The following PDZRN3 variants were observed in gnomAD, a reference collection of about 807,000 sequenced individuals.
The protein encoded by PDZRN3 is PDZ domain containing ring finger 3.
PDZRN3 carries 38 observed loss-of-function variants against 85.7 expected under a neutral mutation model. That is an observed-to-expected ratio of 0.44 (90% CI 0.34 to 0.58). PDZRN3 has a LOEUF of 0.58. Ranked by LOEUF, PDZRN3 falls within the 20% of genes least tolerant of loss-of-function variation. PDZRN3 has a pLI of 0.01. For missense variants in PDZRN3, 1,629 were observed against 1,506.4 expected, an observed-to-expected ratio of 1.08 and a Z score of -1.35; for synonymous variants, 759 against 638.0, an observed-to-expected ratio of 1.19 and a Z score of -2.86.
intron 8 of PDZRN3, among the ~76,000 whole-genome samples, chr3:73,386,753 A>C (rs1197559693): frequency 6.6e-6 from 1 of 152,214 alleles, no homozygotes; most frequent in East Asian, 1.9e-4. Flanking sequence ...TGGCCCTTTA[A>C]GAAAAAGTCT....
intron 3 of PDZRN3, among the ~76,000 whole-genome samples, chr3:73,438,841 A>T: frequency 6.6e-6 from 1 of 152,148 alleles, no homozygotes; most frequent in Non-Finnish European, 1.5e-5. Context: ...CATGGACCCA[A>T]CTTCTCTTAG....
rs1290335742 is a variant in PDZRN3, at chr3:73,499,353, A to G, written c.919-94958T>C. Among the ~76,000 whole-genome samples the G allele has an allele frequency of 2.0e-5, 3 of 152,140 alleles. No individual in the cohort carries two copies. The East Asian group carries it at 5.8e-4, about 29-fold the overall frequency. On this transcript the variant is annotated intron_variant, in intron 3 of 9. Coordinates refer to ENST00000263666, the MANE Select transcript of PDZRN3 (RefSeq NM_015009.3). The stretch of plus-strand genomic sequence containing the variant: ...ACGAGGCCCAGGCTGGCCCCAGGTG[A>G]CGCTGGTAACTCACATGGCCACACG...
chr3:73,541,044 C>A (rs1355351914), intron 3 of PDZRN3, among the ~76,000 whole-genome samples: 1 of 152,110 alleles, frequency 6.6e-6, no homozygotes, highest in Non-Finnish European at 1.5e-5. Context: ...GCAAAGGGGT[C>A]CTGGGAACTT....
At chr3:73,623,784 G>A (rs1473861881) in intron 1 of PDZRN3, 1 of 255,326 alleles carries the variant, frequency 3.9e-6, no homozygotes, top group East Asian at 7.0e-5. Context: ...GCCTTTGAAC[G>A]CAGTTTTGAC....
intron 3 of PDZRN3, among the ~76,000 whole-genome samples, chr3:73,501,503 C>T (rs1446139171): frequency 1.3e-5 from 2 of 152,198 alleles, no homozygotes; most frequent in African/African-American, 2.4e-5. Flanking sequence ...CCTAACGATT[C>T]GACTGTCAGT....
At chr3:73,587,704 G>T (rs1702297411) in intron 3 of PDZRN3, among the ~76,000 whole-genome samples, 1 of 152,142 alleles carries the variant, frequency 6.6e-6, no homozygotes, top group Non-Finnish European at 1.5e-5. Flanking sequence ...GCAGGCACAT[G>T]AAAAGTTTAG....
intron 3 of PDZRN3, among the ~76,000 whole-genome samples, chr3:73,501,299 T>C (rs1274600022): frequency 2.0e-5 from 3 of 152,204 alleles, no homozygotes; most frequent in African/African-American, 7.2e-5. Context: ...TCCTTTCCAC[T>C]GTCAACTGGG....
intron 3 of PDZRN3, among the ~76,000 whole-genome samples, chr3:73,527,893 G>A (rs992930863): frequency 5.3e-5 from 8 of 152,014 alleles, no homozygotes; most frequent in Non-Finnish European, 1.0e-4. Flanking sequence ...CTATTTACTC[G>A]CATGAGGCAA....
chr3:73,597,561 C>T (rs1288538132), intron 3 of PDZRN3, among the ~76,000 whole-genome samples: 2 of 152,114 alleles, frequency 1.3e-5, no homozygotes, highest in Non-Finnish European at 2.9e-5. Flanking sequence ...GCAATCACTA[C>T]ACAGACTCAT....
chr3:73,460,463 C>A (rs1703080333), intron 3 of PDZRN3, among the ~76,000 whole-genome samples: 1 of 152,196 alleles, frequency 6.6e-6, no homozygotes. Flanking sequence ...GTAAACACTA[C>A]CAACAATCTT....
intron 3 of PDZRN3, among the ~76,000 whole-genome samples, chr3:73,528,238 T>C (rs1704570665): frequency 6.6e-6 from 1 of 152,180 alleles, no homozygotes; most frequent in Non-Finnish European, 1.5e-5. Context: ...CAACGCCCAG[T>C]CCTGCTTTAA....
intron 3 of PDZRN3, among the ~76,000 whole-genome samples, chr3:73,563,457 C>T (rs910820649): frequency 1.6e-4 from 24 of 152,086 alleles, no homozygotes. Context: ...TTTACACAGA[C>T]TAAAACCTTA....
In PDZRN3 at chr3:73,435,192, T is replaced by C. The variant is rs76595490; in HGVS notation, c.919-30797A>G. On this transcript the variant is annotated intron_variant, in intron 3 of 9. Transcript: ENST00000263666. ...CCCAATAAAATCCCACTTGGGCTGA[T>C]GGCCAGCAGATGCCTCTGGACCCAT... is the stretch of plus-strand genomic sequence containing the variant. 4.4e-4 allele frequency among the ~76,000 whole-genome samples: 67 copies of C among 152,290 alleles called. No homozygotes were observed. The East Asian group carries it at 0.011, about 26-fold the overall frequency.
intron 3 of PDZRN3, among the ~76,000 whole-genome samples, chr3:73,443,440 C>A (rs545512163): frequency 6.6e-6 from 1 of 151,426 alleles, no homozygotes; most frequent in African/African-American, 2.4e-5. Flanking sequence ...TTTTGACTTA[C>A]AGCCTCTACT....
intron 3 of PDZRN3, among the ~76,000 whole-genome samples, chr3:73,540,111 A>AC (rs1704882580): frequency 8.0e-6 from 1 of 125,128 alleles, no homozygotes; most frequent in African/African-American, 3.1e-5. Flanking sequence ...AAAAAAAAAA[A>AC]CAGTTCTCAA....
At chr3:73,396,917 C>A (rs1701649117) in intron 5 of PDZRN3, among the ~76,000 whole-genome samples, 1 of 152,004 alleles carries the variant, frequency 6.6e-6, no homozygotes, top group African/African-American at 2.4e-5. Context: ...TGGGTGTAAT[C>A]CCTTTAACTC....
intron 3 of PDZRN3, among the ~76,000 whole-genome samples, chr3:73,573,895 C>A (rs1290123277): frequency 6.6e-6 from 1 of 151,934 alleles, no homozygotes; most frequent in African/African-American, 2.4e-5. Context: ...CCATATTGTA[C>A]CACTTTAAAA....
At chr3:73,521,773 G>C (rs1231461884) in intron 3 of PDZRN3, among the ~76,000 whole-genome samples, 2 of 152,150 alleles carry the variant, frequency 1.3e-5, no homozygotes, top group East Asian at 3.9e-4. Flanking sequence ...TTTTGTCTCT[G>C]TATCTTTCCT....
chr3:73,603,059 G>A (rs1202968459), intron 2 of PDZRN3, among the ~76,000 whole-genome samples: 1 of 152,168 alleles, frequency 6.6e-6, no homozygotes, highest in African/African-American at 2.4e-5. Flanking sequence ...TTGGGTAAAA[G>A]GATATGTACA....
Sources: allele counts gnomAD v4.1 joint callset (sites outside exome capture counted in the v4.1 genomes callset), GRCh38; gene constraint gnomAD v4.1.1; transcripts MANE v1.5; gene names NCBI Gene and HGNC (gene_info 2026-07-23, HGNC 2026-07-21).